The following RBFOX1 variants were observed in gnomAD, a reference collection of about 807,000 sequenced individuals.
The protein encoded by RBFOX1 is RNA binding protein fox-1 homolog 1.
Under a neutral mutation model 57.7 loss-of-function variants are expected in RBFOX1, and 8 were observed. The observed-to-expected ratio is 0.14, with a 90% confidence interval of 0.08 to 0.25. The LOEUF (loss-of-function observed/expected upper bound fraction) is 0.25. RBFOX1 is among the 10% of genes least tolerant of loss of function. The pLI is 1.00. For synonymous variants in RBFOX1, 326 were observed against 222.4 expected (o/e 1.47, Z -4.15); for missense variants, 611 against 548.5 (o/e 1.11, Z -1.14).
At chr16:5,592,554 T>A (rs2047044681) in intron 2 of RBFOX1, among the ~76,000 whole-genome samples, 1 of 152,100 alleles carries the variant, frequency 6.6e-6, no homozygotes, top group Admixed American at 6.6e-5. Flanking sequence ...GTAGCTGGGA[T>A]TACAGACTCC....
At chr16:5,606,484 A>C (rs1474876699) in intron 3 of RBFOX1, among the ~76,000 whole-genome samples, 3 of 148,952 alleles carry the variant, frequency 2.0e-5, no homozygotes, top group Admixed American at 6.7e-5. Context: ...CTTCTCTCTC[A>C]CTCACCTCCT....
chr16:7,300,868 G>T (rs540670355), intron 4 of RBFOX1, among the ~76,000 whole-genome samples: 3 of 152,260 alleles, frequency 2.0e-5, no homozygotes. Context: ...CTTCCTGTGG[G>T]GTATGTATAA....
In RBFOX1 at chr16:7,469,342, G is replaced by C. The variant is rs774443432; in HGVS notation, c.28-48805G>C. On this transcript the variant is annotated intron_variant, in intron 4 of 15. Coordinates refer to ENST00000550418, the MANE Select transcript of RBFOX1 (RefSeq NM_018723.4). Reference sequence around the variant, plus strand: ...CTCCCAAAGTGCTGGGATTATAGGCGTGAGCCACCGCACCTGGCCCCAGCC... The same window carrying C: ...CTCCCAAAGTGCTGGGATTATAGGCCTGAGCCACCGCACCTGGCCCCAGCC... Among the ~76,000 whole-genome samples the C allele has an allele frequency of 2.0e-5, 3 of 152,026 alleles. No individual in the cohort carries two copies. The South Asian group carries it at 6.2e-4, about 32-fold the overall frequency.
rs78751135 is a variant in RBFOX1, at chr16:6,495,053, G to C, written c.-63-159550G>C. Among the ~76,000 whole-genome samples, 742 of 152,288 alleles carry C rather than the reference G, an allele frequency of 4.9e-3. 22 individuals are homozygous for C. The East Asian group carries it at 0.096, about 20-fold the overall frequency. On this transcript the variant is annotated intron_variant, in intron 2 of 15. Transcript: ENST00000550418. ...ATACAGTCATCACCACTTAGAGGTA[G>C]TCGGTCTGGCTGGAGAACCCCGCAT...
At chr16:7,409,666 A>G (rs1412426617) in intron 4 of RBFOX1, among the ~76,000 whole-genome samples, 2 of 152,242 alleles carry the variant, frequency 1.3e-5, no homozygotes, top group African/African-American at 2.4e-5. Flanking sequence ...ACTATAGGCC[A>G]GACCTTCTAT....
chr16:5,454,739 C>CTTCCTT (rs2068527168), intron 1 of RBFOX1, among the ~76,000 whole-genome samples: 1 of 136,542 alleles, frequency 7.3e-6, no homozygotes, highest in Non-Finnish European at 1.5e-5. Flanking sequence ...CTCTTTCTTT[C>CTTCCTT]TTTCTTTTTC....
At chr16:5,255,296 C>G (rs2333973) in intron 1 of RBFOX1, among the ~76,000 whole-genome samples, 50,083 of 150,658 alleles carry the variant, frequency 0.33, 8,592 homozygotes, top group South Asian at 0.43. Context: ...ACCTGCTCAT[C>G]TGTCCGCCTA....
At chr16:7,137,987 G>A (rs184803575) in intron 4 of RBFOX1, among the ~76,000 whole-genome samples, 23 of 152,260 alleles carry the variant, frequency 1.5e-4, no homozygotes, top group African/African-American at 4.3e-4. Flanking sequence ...ATGAGAAAAT[G>A]CACGTAGAGA....
At chr16:6,386,497 C>T (rs1280764296) in intron 2 of RBFOX1, among the ~76,000 whole-genome samples, 1 of 152,150 alleles carries the variant, frequency 6.6e-6, no homozygotes, top group African/African-American at 2.4e-5. Context: ...GCTGGGGATA[C>T]ACCAAACATG....
At chr16:6,712,520 C>G (rs549582939) in intron 3 of RBFOX1, among the ~76,000 whole-genome samples, 2 of 152,160 alleles carry the variant, frequency 1.3e-5, no homozygotes, top group African/African-American at 2.4e-5. Context: ...GTATTATCAT[C>G]TTTCCAGTGA....
chr16:6,060,340 T>C (rs2095669512), intron 1 of RBFOX1, among the ~76,000 whole-genome samples: 1 of 152,018 alleles, frequency 6.6e-6, no homozygotes. Flanking sequence ...GTCTAAGTCT[T>C]ACAGTGAGAT....
intron 1 of RBFOX1, among the ~76,000 whole-genome samples, chr16:5,274,349 T>C (rs1035497261): frequency 2.6e-5 from 4 of 152,026 alleles, no homozygotes; most frequent in Non-Finnish European, 5.9e-5. Context: ...GCCAACATGG[T>C]GAAACCGTTT....
chr16:5,970,106 T>A (rs2059933568), intron 4 of RBFOX1, among the ~76,000 whole-genome samples: 1 of 152,182 alleles, frequency 6.6e-6, no homozygotes, highest in Admixed American at 6.5e-5. Context: ...TTTTGTTGAG[T>A]CTGCCGCATG....
At chr16:6,225,256 C>T (rs982827792) in intron 1 of RBFOX1, among the ~76,000 whole-genome samples, 8 of 151,910 alleles carry the variant, frequency 5.3e-5, no homozygotes, top group African/African-American at 1.9e-4. Context: ...AAAATAGTGC[C>T]CCTGTTCTGA....
At chr16:6,395,778 A>C (rs1428477894) in intron 2 of RBFOX1, among the ~76,000 whole-genome samples, 1 of 152,136 alleles carries the variant, frequency 6.6e-6, no homozygotes, top group African/African-American at 2.4e-5. Flanking sequence ...GTTTTTTAAC[A>C]TGAGGGCCTT....
At chr16:7,347,837 A>T (rs975716017) in intron 4 of RBFOX1, among the ~76,000 whole-genome samples, 5 of 152,134 alleles carry the variant, frequency 3.3e-5, no homozygotes, top group Non-Finnish European at 7.3e-5. Flanking sequence ...CAGGAGTAGG[A>T]TGTAGCTGGT....
At chr16:6,496,961 C>T (rs1031283608) in intron 2 of RBFOX1, among the ~76,000 whole-genome samples, 3 of 151,692 alleles carry the variant, frequency 2.0e-5, no homozygotes, top group South Asian at 2.1e-4. Context: ...ACTCCGTCTT[C>T]GGAAAAAAAG....
At chr16:7,052,174 A>C in intron 4 of RBFOX1, 76 bp downstream of exon 4, 5 of 1,545,180 alleles carry the variant, frequency 3.2e-6, no homozygotes, top group Non-Finnish European at 4.3e-6. Flanking sequence ...TGTCTCTCCC[A>C]AGACACGGGT....
At chr16:5,779,873 C>A (rs2054271706) in intron 3 of RBFOX1, among the ~76,000 whole-genome samples, 2 of 152,166 alleles carry the variant, frequency 1.3e-5, no homozygotes, top group Non-Finnish European at 2.9e-5. Flanking sequence ...TCTGCCTGAT[C>A]TTCAGTTTTC....
Sources: gnomAD v4.1 joint callset for allele counts (sites outside exome capture counted in the v4.1 genomes callset) on GRCh38, gnomAD v4.1.1 for gene constraint, MANE v1.5 for transcripts, NCBI Gene and HGNC (gene_info 2026-07-23, HGNC 2026-07-21) for gene names.